Variants in ZNF704 observed in about 807,000 individuals in gnomAD.
The protein encoded by ZNF704 is glucocorticoid induced gene 1.
In ZNF704, 10 loss-of-function variants were observed where a neutral mutation model predicts 44.7. That is an observed-to-expected ratio of 0.22 (90% CI 0.14 to 0.38). The LOEUF (loss-of-function observed/expected upper bound fraction) is 0.38, where lower values mean the gene tolerates loss of function less well. Ranked by LOEUF, ZNF704 falls within the 10% of genes least tolerant of loss-of-function variation. The pLI is 1.00. For synonymous variants in ZNF704, 211 were observed against 207.6 expected (o/e 1.02, Z -0.14); for missense variants, 390 against 545.5 (o/e 0.71, Z 2.84).
At chr8:80,749,010 A>G (rs1806895824) in intron 2 of ZNF704, among the ~76,000 whole-genome samples, 1 of 152,162 alleles carries the variant, frequency 6.6e-6, no homozygotes, top group South Asian at 2.1e-4. Context: ...ACTGGTTTAA[A>G]GCAATTTGAT....
chr8:80,730,274 T>C (rs1434448876), intron 2 of ZNF704, among the ~76,000 whole-genome samples: 2 of 152,118 alleles, frequency 1.3e-5, no homozygotes, highest in Non-Finnish European at 2.9e-5. Flanking sequence ...TAAACAGTTG[T>C]GCATTTAAAT....
chr8:80,811,257 T>C (rs116453683), intron 2 of ZNF704, among the ~76,000 whole-genome samples: 73 of 152,322 alleles, frequency 4.8e-4, no homozygotes, highest in African/African-American at 1.5e-3. Flanking sequence ...CTTTTTATAT[T>C]GACATATGTT....
At chr8:80,784,609 G>GT (rs943971019) in intron 2 of ZNF704, among the ~76,000 whole-genome samples, 2 of 152,018 alleles carry the variant, frequency 1.3e-5, no homozygotes, top group Non-Finnish European at 2.9e-5. Context: ...TAATTGGGTT[G>GT]TTTTTTTATT....
intron 7 of ZNF704, among the ~76,000 whole-genome samples, chr8:80,654,217 G>C (rs1749211576): frequency 1.3e-5 from 2 of 152,200 alleles, no homozygotes; most frequent in Admixed American, 1.3e-4. Flanking sequence ...TTAAATGTTA[G>C]ACCTAAAACC....
At chr8:80,760,884 C>T (rs778120729) in intron 2 of ZNF704, among the ~76,000 whole-genome samples, 4 of 151,936 alleles carry the variant, frequency 2.6e-5, no homozygotes, top group Non-Finnish European at 1.5e-5. Context: ...AGAGAGCGAG[C>T]AGGGAACTGC....
intron 2 of ZNF704, among the ~76,000 whole-genome samples, chr8:80,727,577 C>T (rs1048422761): frequency 6.6e-6 from 1 of 151,860 alleles, no homozygotes; most frequent in African/African-American, 2.4e-5. Flanking sequence ...TCTTGTTTGG[C>T]GCAGGCAGGC....
chr8:80,849,647 T>C (rs1360137933), intron 1 of ZNF704, among the ~76,000 whole-genome samples: 1 of 152,230 alleles, frequency 6.6e-6, no homozygotes, highest in Non-Finnish European at 1.5e-5. Flanking sequence ...GTTCTTTCTA[T>C]ACATCAGGCT....
chr8:80,835,449 T>C (rs1808542492), intron 1 of ZNF704, among the ~76,000 whole-genome samples: 1 of 152,000 alleles, frequency 6.6e-6, no homozygotes, highest in African/African-American at 2.4e-5. Flanking sequence ...GCTTCAATAT[T>C]TAAAGGGGGA....
chr8:80,764,432 A>C (rs558672006), intron 2 of ZNF704, among the ~76,000 whole-genome samples: 1 of 152,166 alleles, frequency 6.6e-6, no homozygotes, highest in South Asian at 2.1e-4. Flanking sequence ...ATCTCATGAG[A>C]ACTCACTATC....
chr8:80,778,060 T>C (rs1329192411), intron 2 of ZNF704, among the ~76,000 whole-genome samples: 2 of 152,062 alleles, frequency 1.3e-5, no homozygotes, highest in Non-Finnish European at 2.9e-5. Flanking sequence ...ATAATTAACT[T>C]CAAAGCTTAA....
At chr8:80,709,045 C>A (rs1818941276) in intron 2 of ZNF704, among the ~76,000 whole-genome samples, 1 of 152,104 alleles carries the variant, frequency 6.6e-6, no homozygotes, top group Admixed American at 6.5e-5. Flanking sequence ...TATGACACAT[C>A]ACTAACATTA....
intron 2 of ZNF704, among the ~76,000 whole-genome samples, chr8:80,738,854 CTGAA>C (rs1259367737): frequency 6.6e-6 from 1 of 152,102 alleles, no homozygotes; most frequent in African/African-American, 2.4e-5. Context: ...CTACACTGTC[CTGAA>C]TGTCTATCAT....
intron 2 of ZNF704, among the ~76,000 whole-genome samples, chr8:80,757,937 G>A (rs114563067): frequency 4.6e-5 from 7 of 152,212 alleles, no homozygotes; most frequent in East Asian, 1.9e-4. Context: ...GCCTAATGAC[G>A]CATTTCTCAG....
intron 4 of ZNF704, among the ~76,000 whole-genome samples, chr8:80,680,776 G>C (rs1818440468): frequency 1.3e-5 from 2 of 152,160 alleles, no homozygotes; most frequent in Admixed American, 1.3e-4. Context: ...TTATTTGTAA[G>C]ATGAGGGGAC....
intron 2 of ZNF704, among the ~76,000 whole-genome samples, chr8:80,712,720 A>T (rs1432351149): frequency 1.3e-5 from 2 of 148,654 alleles, no homozygotes; most frequent in Non-Finnish European, 3.0e-5. Flanking sequence ...GGTAATGAAT[A>T]AAAAAAAAAG....
rs58079038 is a variant in ZNF704 at position 80,672,228 on chromosome 8, C to T, written c.559-1625G>A. ...AAAACCACAATGAGATACCATCTCA[C>T]ACCAGTCAGAATGGCTATTACCAAA... is the stretch of plus-strand genomic sequence containing the variant. On this transcript the variant is annotated intron_variant, in intron 4 of 8. Transcript: ENST00000327835. Among the ~76,000 whole-genome samples, 793 of 152,286 alleles carry T rather than the reference C, an allele frequency of 5.2e-3. 7 individuals carry two copies. Among genetic ancestry groups the T allele is most frequent in the African/African-American group, 0.018 (748 of 41,556 alleles).
intron 7 of ZNF704, among the ~76,000 whole-genome samples, chr8:80,643,347 G>A (rs1293977919): frequency 2.0e-5 from 3 of 151,662 alleles, no homozygotes; most frequent in Non-Finnish European, 4.4e-5. Flanking sequence ...GTGAAACCCC[G>A]TCTGTACCAA....
intron 7 of ZNF704, among the ~76,000 whole-genome samples, chr8:80,649,987 G>T (rs539761449): frequency 3.4e-4 from 52 of 152,354 alleles, no homozygotes; most frequent in African/African-American, 1.3e-3. Context: ...CGATCAGGCA[G>T]CAACATTTGC....
intron 2 of ZNF704, among the ~76,000 whole-genome samples, chr8:80,800,500 C>A (rs1304656320): frequency 6.6e-6 from 1 of 152,086 alleles, no homozygotes; most frequent in Non-Finnish European, 1.5e-5. Context: ...AACTTGAGGG[C>A]CAATACCCAA....
Sources: allele counts gnomAD v4.1 joint callset (sites outside exome capture counted in the v4.1 genomes callset), GRCh38; gene constraint gnomAD v4.1.1; transcripts MANE v1.5; gene names NCBI Gene and HGNC (gene_info 2026-07-23, HGNC 2026-07-21).